The following KBTBD12 variants were observed in gnomAD, a reference collection of about 807,000 sequenced individuals.
The protein encoded by KBTBD12 is kelch repeat and BTB domain-containing protein 12.
In KBTBD12, 53 loss-of-function variants were observed where a neutral mutation model predicts 58.7. The ratio of observed to expected loss-of-function variants is 0.90; its 90% CI spans 0.72 to 1.14. KBTBD12 has a LOEUF of 1.14. Among genes scored for constraint, KBTBD12 ranks in the 50% most tolerant of loss-of-function variants. The probability of loss-of-function intolerance (pLI) is 0.00; values close to 1 mark genes in which losing one functional copy is unlikely to be tolerated. For missense variants in KBTBD12, 704 were observed against 751.3 expected (o/e 0.94, Z 0.74); for synonymous variants, 236 against 259.8 (o/e 0.91, Z 0.88).
intron 4 of KBTBD12, among the ~76,000 whole-genome samples, chr3:127,937,421 C>A (rs1198001857): frequency 6.6e-6 from 1 of 151,926 alleles, no homozygotes; most frequent in Non-Finnish European, 1.5e-5. Context: ...TATTTGAGAG[C>A]AGATCACACA....
At chr3:127,954,510 T>C (rs1422049187) in intron 4 of KBTBD12, among the ~76,000 whole-genome samples, 2 of 152,210 alleles carry the variant, frequency 1.3e-5, no homozygotes, top group Non-Finnish European at 2.9e-5. Flanking sequence ...TTAGATCTCA[T>C]ACTATTAGTT....
intron 4 of KBTBD12, among the ~76,000 whole-genome samples, chr3:127,949,651 C>G (rs889828308): frequency 1.3e-5 from 2 of 152,212 alleles, no homozygotes; most frequent in African/African-American, 4.8e-5. Flanking sequence ...AGAACTCTGT[C>G]TCTGGTATCC....
Position 127,970,518 on chromosome 3 carries a change from A to C in KBTBD12, c.1690+7132A>C, listed in dbSNP as rs76586850. 6.2e-3 allele frequency among the ~76,000 whole-genome samples: 951 copies of C among 152,356 alleles called. 10 individuals are homozygous for C. The highest frequency in any genetic ancestry group is 0.022 in the African/African-American group (897 of 41,586). On this transcript the variant is annotated intron_variant, in intron 5 of 5. Transcript: ENST00000405109. ...TCAGCCAAAAAGTGGAAACAACCCAAGTGTCCATCCACAGATGGACAGATA... is the reference window on the plus strand; with the variant it reads ...TCAGCCAAAAAGTGGAAACAACCCACGTGTCCATCCACAGATGGACAGATA...
At chr3:127,922,765 A>G (rs914517042) in intron 1 of KBTBD12, among the ~76,000 whole-genome samples, 185 bp from the exon 2 acceptor site, 1 of 152,214 alleles carries the variant, frequency 6.6e-6, no homozygotes. Flanking sequence ...TTGTCACAGC[A>G]GTTAATTTAT....
At chr3:127,961,312 G>T (rs1416944888) in intron 4 of KBTBD12, among the ~76,000 whole-genome samples, 1 of 152,172 alleles carries the variant, frequency 6.6e-6, no homozygotes, top group Non-Finnish European at 1.5e-5. Flanking sequence ...GCAGAGCTGT[G>T]CCGTTAACCG....
chr3:127,943,042 T>C (rs1939990988), intron 4 of KBTBD12, among the ~76,000 whole-genome samples: 1 of 152,198 alleles, frequency 6.6e-6, no homozygotes, highest in Non-Finnish European at 1.5e-5. Context: ...AAGCCATTTA[T>C]GAAGGATATG....
intron 4 of KBTBD12, among the ~76,000 whole-genome samples, chr3:127,959,615 T>G (rs1940391149): frequency 6.6e-6 from 1 of 152,230 alleles, no homozygotes; most frequent in Non-Finnish European, 1.5e-5. Flanking sequence ...AACATTTGGG[T>G]GCCTCCTGCA....
chr3:127,933,335 C>T (rs1251710452), intron 4 of KBTBD12, among the ~76,000 whole-genome samples: 1 of 151,808 alleles, frequency 6.6e-6, no homozygotes, highest in African/African-American at 2.4e-5. Flanking sequence ...TTTTTTTTGC[C>T]AAAGGGGGCT....
At chr3:127,972,373 T>C (rs957322495) in intron 5 of KBTBD12, among the ~76,000 whole-genome samples, 4 of 152,180 alleles carry the variant, frequency 2.6e-5, no homozygotes. Context: ...GGCATCAATA[T>C]TTTTTAAAAA....
At chr3:127,963,461 A>G (rs1381619944) in intron 5 of KBTBD12, 75 bp downstream of exon 5, 10 of 1,327,100 alleles carry the variant, frequency 7.5e-6, no homozygotes, top group Non-Finnish European at 1.0e-5. Context: ...TCCAATCACC[A>G]CTAATATTCC....
chr3:127,937,209 AAC>A (rs869298160), intron 4 of KBTBD12, among the ~76,000 whole-genome samples: 3 of 145,444 alleles, frequency 2.1e-5, no homozygotes, highest in African/African-American at 5.3e-5. Flanking sequence ...CAACAACAAC[AAC>A]AAAACAGTGG....
At chr3:127,928,657 C>T (rs556836167) in intron 3 of KBTBD12, among the ~76,000 whole-genome samples, 27 of 152,346 alleles carry the variant, frequency 1.8e-4, no homozygotes, top group African/African-American at 5.3e-4. Context: ...CGGATGTCCT[C>T]TCCTGGTGCC....
chr3:127,981,216 T>C (rs1363280752), intron 5 of KBTBD12, among the ~76,000 whole-genome samples: 2 of 152,232 alleles, frequency 1.3e-5, no homozygotes, highest in Admixed American at 6.5e-5. Context: ...CTGTCTAAGA[T>C]AGCTTGTTCC....
At chr3:127,922,478 A>G (rs1190807268) in intron 1 of KBTBD12, among the ~76,000 whole-genome samples, 3 of 152,088 alleles carry the variant, frequency 2.0e-5, no homozygotes, top group Non-Finnish European at 4.4e-5. Flanking sequence ...CTTCCAGGGT[A>G]TATTGTACAA....
intron 5 of KBTBD12, among the ~76,000 whole-genome samples, chr3:127,974,317 C>T (rs1239118824): frequency 1.3e-5 from 2 of 152,196 alleles, no homozygotes; most frequent in Non-Finnish European, 2.9e-5. Flanking sequence ...CCTCCTAAGT[C>T]TGTCTCATGC....
chr3:127,915,915 G>T (rs1939223605), intron 1 of KBTBD12, among the ~76,000 whole-genome samples: 2 of 152,198 alleles, frequency 1.3e-5, no homozygotes, highest in South Asian at 4.1e-4. Context: ...CAAAGGTAAG[G>T]GGCACTTCCC....
intron 5 of KBTBD12, among the ~76,000 whole-genome samples, chr3:127,978,967 C>T (rs943263316): frequency 3.3e-5 from 5 of 152,170 alleles, no homozygotes; most frequent in East Asian, 1.9e-4. Context: ...GACGTGAGCT[C>T]CTGGGCCACA....
intron 4 of KBTBD12, among the ~76,000 whole-genome samples, chr3:127,936,983 A>G (rs1939843095): frequency 2.6e-5 from 4 of 152,164 alleles, no homozygotes; most frequent in Admixed American, 1.3e-4. Context: ...TCATGAATTT[A>G]TTTTAAAATG....
intron 5 of KBTBD12, among the ~76,000 whole-genome samples, chr3:127,980,788 T>C (rs1940860723): frequency 6.6e-6 from 1 of 152,212 alleles, no homozygotes. Context: ...GAGAGATATA[T>C]CATGCTGCAT....
Sources: allele counts gnomAD v4.1 joint callset (sites outside exome capture counted in the v4.1 genomes callset), GRCh38; gene constraint gnomAD v4.1.1; transcripts MANE v1.5; gene names NCBI Gene and HGNC (gene_info 2026-07-23, HGNC 2026-07-21).